RBFOX1: variants seen among roughly 807,000 people sequenced by gnomAD.
The protein encoded by RBFOX1 is RNA binding protein fox-1 homolog 1.
In RBFOX1, 8 loss-of-function variants were observed where a neutral mutation model predicts 57.7. The ratio of observed to expected loss-of-function variants is 0.14; its 90% CI spans 0.08 to 0.25. RBFOX1 has a LOEUF of 0.25. RBFOX1 is among the 10% of genes least tolerant of loss of function. The probability of loss-of-function intolerance (pLI) is 1.00; values close to 1 mark genes in which losing one functional copy is unlikely to be tolerated. For missense variants in RBFOX1, 611 were observed against 548.5 expected, an observed-to-expected ratio of 1.11 and a Z score of -1.14; for synonymous variants, 326 against 222.4, an observed-to-expected ratio of 1.47 and a Z score of -4.15.
intron 3 of RBFOX1, among the ~76,000 whole-genome samples, chr16:5,666,632 T>C (rs1052181077): frequency 2.6e-5 from 4 of 152,188 alleles, no homozygotes; most frequent in African/African-American, 9.7e-5. Context: ...AGACAGCTAA[T>C]AGGACTGGCA....
intron 3 of RBFOX1, among the ~76,000 whole-genome samples, chr16:6,906,245 C>CCG (rs2069889268): frequency 6.6e-6 from 1 of 151,886 alleles, no homozygotes; most frequent in Non-Finnish European, 1.5e-5. Context: ...TATTACCCCC[C>CCG]CCCAAAATAT....
chr16:6,854,496 G>A (rs553741326), intron 3 of RBFOX1, among the ~76,000 whole-genome samples: 1 of 151,420 alleles, frequency 6.6e-6, no homozygotes, highest in African/African-American at 2.4e-5. Context: ...GTTTAGCGAA[G>A]TTGGGACTTT....
chr16:6,944,541 G>A (rs1383451371), intron 3 of RBFOX1, among the ~76,000 whole-genome samples: 1 of 152,146 alleles, frequency 6.6e-6, no homozygotes, highest in Non-Finnish European at 1.5e-5. Context: ...TCACGATCTG[G>A]TATATTTTGT....
intron 4 of RBFOX1, among the ~76,000 whole-genome samples, chr16:7,425,884 A>C (rs2098605818): frequency 1.3e-5 from 2 of 152,210 alleles, no homozygotes; most frequent in Admixed American, 1.3e-4. Flanking sequence ...AACAGTGATA[A>C]ACGAAATGTA....
chr16:6,637,775 C>G (rs937185137), intron 2 of RBFOX1, among the ~76,000 whole-genome samples: 2 of 151,576 alleles, frequency 1.3e-5, no homozygotes, highest in African/African-American at 4.8e-5. Flanking sequence ...AACAAGTTGG[C>G]GTTATTTAGC....
At chr16:6,199,168 A>G (rs62016021) in intron 1 of RBFOX1, among the ~76,000 whole-genome samples, 5,547 of 152,316 alleles carry the variant, frequency 0.036, 144 homozygotes, top group Middle Eastern at 0.17. Flanking sequence ...ACAAAGTTTC[A>G]TCACAGATCT....
intron 1 of RBFOX1, among the ~76,000 whole-genome samples, chr16:6,128,703 C>G (rs1263250743): frequency 6.6e-6 from 1 of 152,178 alleles, no homozygotes; most frequent in African/African-American, 2.4e-5. Context: ...TGGTCCTTGG[C>G]TGACTATCCA....
chr16:7,483,725 A>T (rs1407264584), intron 4 of RBFOX1, among the ~76,000 whole-genome samples: 2 of 152,224 alleles, frequency 1.3e-5, no homozygotes, highest in Non-Finnish European at 2.9e-5. Context: ...GCTACCCAAG[A>T]CAACAGGTTA....
intron 2 of RBFOX1, among the ~76,000 whole-genome samples, chr16:6,599,270 C>A (rs1195948874): frequency 6.6e-6 from 1 of 152,134 alleles, no homozygotes; most frequent in Non-Finnish European, 1.5e-5. Flanking sequence ...TGCATAACTT[C>A]CAATAAAGCA....
At position 6,652,425 on chromosome 16, in the gene RBFOX1, C is replaced by T. The variant is rs945633208; in HGVS notation, c.-63-2178C>T. On this transcript the variant is annotated intron_variant, in intron 2 of 15. Coordinates refer to ENST00000550418, the MANE Select transcript of RBFOX1 (RefSeq NM_018723.4). ...ATCTCGCCACTGCACTCCAGTCTGG[C>T]GACAGAGCTAGACTCCATCTCAGGA... is the stretch of plus-strand genomic sequence containing the variant. Among the ~76,000 whole-genome samples, 17 of 151,426 alleles carry T rather than the reference C, an allele frequency of 1.1e-4. 1 individual carries two copies. The highest frequency in any genetic ancestry group is 4.0e-4 in the Admixed American group (6 of 15,174).
At chr16:7,512,391 T>C (rs1017434734) in intron 4 of RBFOX1, among the ~76,000 whole-genome samples, 20 of 152,170 alleles carry the variant, frequency 1.3e-4, no homozygotes, top group Non-Finnish European at 2.5e-4. Flanking sequence ...CTGGAGCCAT[T>C]TGAAGGTGAA....
At chr16:7,101,569 G>T (rs2062699664) in intron 4 of RBFOX1, among the ~76,000 whole-genome samples, 1 of 152,176 alleles carries the variant, frequency 6.6e-6, no homozygotes, top group Non-Finnish European at 1.5e-5. Context: ...ATATTGAACA[G>T]TGGTGCTTTT....
intron 5 of RBFOX1, among the ~76,000 whole-genome samples, chr16:7,548,409 G>A (rs571161473): frequency 1.5e-4 from 23 of 152,266 alleles, no homozygotes; most frequent in South Asian, 4.1e-4. Context: ...CACCGGCTGC[G>A]CCACCCAAAG....
chr16:5,741,991 C>G (rs1456800351), intron 3 of RBFOX1, among the ~76,000 whole-genome samples: 5 of 152,124 alleles, frequency 3.3e-5, no homozygotes, highest in Non-Finnish European at 7.4e-5. Flanking sequence ...TCTTCTCAGT[C>G]TTTTGGCACC....
At chr16:7,275,524 A>C (rs1180048202) in intron 4 of RBFOX1, among the ~76,000 whole-genome samples, 2 of 152,176 alleles carry the variant, frequency 1.3e-5, no homozygotes, top group African/African-American at 4.8e-5. Context: ...AACTATATAG[A>C]ATTTGGTATT....
At chr16:7,381,741 T>C (rs1029758558) in intron 4 of RBFOX1, among the ~76,000 whole-genome samples, 1 of 152,202 alleles carries the variant, frequency 6.6e-6, no homozygotes, top group Non-Finnish European at 1.5e-5. Context: ...CCCTTAATGG[T>C]TGGCGTAGGC....
At chr16:7,371,020 T>C (rs951055866) in intron 4 of RBFOX1, among the ~76,000 whole-genome samples, 3 of 152,166 alleles carry the variant, frequency 2.0e-5, no homozygotes, top group Non-Finnish European at 2.9e-5. Flanking sequence ...GGGATGGATG[T>C]GTCTGTATTT....
chr16:5,485,353 A>AAAAAAAAAAAAAAAAAG, intron 2 of RBFOX1, among the ~76,000 whole-genome samples: 1 of 148,840 alleles, frequency 6.7e-6, no homozygotes, highest in East Asian at 2.0e-4. Flanking sequence ...GTCAAAAAAA[A>AAAAAAAAAAAAAAAAAG]AAAAAAAAAA....
chr16:7,155,961 C>G (rs905699452), intron 4 of RBFOX1, among the ~76,000 whole-genome samples: 3 of 151,268 alleles, frequency 2.0e-5, no homozygotes, highest in African/African-American at 7.3e-5. Flanking sequence ...TTCCAGGAGC[C>G]AAAATAACTA....
Sources: allele counts gnomAD v4.1 joint callset (sites outside exome capture counted in the v4.1 genomes callset), GRCh38; gene constraint gnomAD v4.1.1; transcripts MANE v1.5; gene names NCBI Gene and HGNC (gene_info 2026-07-23, HGNC 2026-07-21).